Variants in ZBTB20 observed in about 807,000 individuals in gnomAD.
ZBTB20 encodes the protein zinc finger and BTB domain-containing protein 20.
ZBTB20 carries 9 observed loss-of-function variants against 56.9 expected under a neutral mutation model. That is an observed-to-expected ratio of 0.16 (90% CI 0.10 to 0.28). ZBTB20 has a LOEUF of 0.28. ZBTB20 is among the 10% of genes least tolerant of loss of function. The pLI, the probability that ZBTB20 is intolerant of heterozygous loss-of-function variation, is 1.00. For missense variants in ZBTB20, 655 were observed against 1,003.0 expected (o/e 0.65, Z 4.69); for synonymous variants, 417 against 420.7 (o/e 0.99, Z 0.11).
chr3:115,021,494 A>C (rs2080203119), intron 2 of ZBTB20, among the ~76,000 whole-genome samples: 1 of 150,950 alleles, frequency 6.6e-6, no homozygotes, highest in African/African-American at 2.4e-5. Context: ...ATACTGTTAA[A>C]TATTTATGTG....
At chr3:114,536,819 CT>C (rs1299004260) in intron 6 of ZBTB20, among the ~76,000 whole-genome samples, 1 of 151,998 alleles carries the variant, frequency 6.6e-6, no homozygotes, top group East Asian at 1.9e-4. Context: ...AGAAAGAGGC[CT>C]CCAAAATAAC....
At position 114,425,985 on chromosome 3, in the gene ZBTB20, C is replaced by T. The variant is rs554993874; in HGVS notation, c.-254-36880G>A. On this transcript the variant is annotated intron_variant, in intron 7 of 11. Transcript: ENST00000675478. ...TTATGATGATGTTAACTCAAATATA[C>T]CTTTTTAAACTAATATTCTTGGCCA... Among the ~76,000 whole-genome samples, 63 of 152,212 alleles carry T rather than the reference C, an allele frequency of 4.1e-4. No individual in the cohort carries two copies. The South Asian group carries it at 0.013, about 31-fold the overall frequency.
chr3:114,350,045 G>A (rs1165661311), intron 11 of ZBTB20, among the ~76,000 whole-genome samples: 2 of 152,018 alleles, frequency 1.3e-5, no homozygotes, highest in Non-Finnish European at 1.5e-5. Flanking sequence ...ACATCCCTAG[G>A]ACATCCCTTC....
intron 11 of ZBTB20, among the ~76,000 whole-genome samples, chr3:114,343,256 AT>A (rs2108122134): frequency 1.3e-5 from 2 of 152,252 alleles, no homozygotes; most frequent in South Asian, 4.1e-4. Flanking sequence ...AGACACCCCA[AT>A]TTTGAATAGG....
At chr3:114,416,319 C>T (rs1386285698) in intron 7 of ZBTB20, among the ~76,000 whole-genome samples, 1 of 63,630 alleles carries the variant, frequency 1.6e-5, no homozygotes, top group Non-Finnish European at 3.4e-5. Context: ...AATTCCTTAG[C>T]AATACTTAAA....
In ZBTB20 at chr3:114,334,393, T is replaced by C. The variant is rs899333433; in HGVS notation, c.*4612A>G. 1 of 152,248 alleles carries C rather than the reference T, an allele frequency of 6.6e-6. No individual in the cohort carries two copies. Among genetic ancestry groups the C allele is most frequent in the African/African-American group, 2.4e-5 (1 of 41,466 alleles). 9.4% of individuals were successfully genotyped at this position (152,248 alleles called of 1,614,324 possible). On this transcript the variant is annotated 3_prime_UTR_variant, in exon 12 of 12. Coordinates refer to ENST00000675478, the MANE Select transcript of ZBTB20 (RefSeq NM_001348800.3). ...GTTTTATAAGGGGCATATCTCATTTTTGACTTCTGTGCTGAGAGAAAATAT... is the reference window on the plus strand; with the variant it reads ...GTTTTATAAGGGGCATATCTCATTTCTGACTTCTGTGCTGAGAGAAAATAT...
At chr3:114,775,176 AC>A (rs1446865858) in intron 5 of ZBTB20, among the ~76,000 whole-genome samples, 7 of 151,954 alleles carry the variant, frequency 4.6e-5, no homozygotes, top group East Asian at 3.9e-4. Context: ...GTAAAATGCC[AC>A]TGGCTAGGCT....
chr3:114,694,985 T>C (rs1255013398), intron 5 of ZBTB20, among the ~76,000 whole-genome samples: 2 of 152,104 alleles, frequency 1.3e-5, no homozygotes, highest in African/African-American at 4.8e-5. Flanking sequence ...CTTACCTGCA[T>C]CAGCAGTCTG....
At chr3:114,432,204 G>A (rs530693663) in intron 7 of ZBTB20, among the ~76,000 whole-genome samples, 1 of 150,734 alleles carries the variant, frequency 6.6e-6, no homozygotes, top group African/African-American at 2.4e-5. Context: ...ATATAATCCT[G>A]CTTTGATATG....
intron 1 of ZBTB20, among the ~76,000 whole-genome samples, chr3:115,105,441 A>G (rs2083693250): frequency 6.6e-6 from 1 of 152,160 alleles, no homozygotes; most frequent in African/African-American, 2.4e-5. Flanking sequence ...CCTACACTAT[A>G]CTGTTTTACC....
chr3:114,774,511 T>C (rs1409374596), intron 5 of ZBTB20, among the ~76,000 whole-genome samples: 1 of 152,158 alleles, frequency 6.6e-6, no homozygotes, highest in Non-Finnish European at 1.5e-5. Context: ...GAGGTCCCTG[T>C]AAACTTATTA....
chr3:114,350,299 G>A lies in ZBTB20; in HGVS notation c.1779C>T (p.Tyr593=), dbSNP rs758842476. 25 of 1,611,592 alleles carry A rather than the reference G, an allele frequency of 1.6e-5. 1 individual carries two copies. Among genetic ancestry groups the A allele is most frequent in the South Asian group, 5.5e-5 (5 of 90,898 alleles). The change falls in exon 11 of 12, where the codon TAC becomes TAT. Residue 593 remains tyrosine (Y), a synonymous_variant. Transcript: ENST00000675478. ...CNKTFTAKQN[Y]VKHMFVHTGE... is the part of the protein sequence containing the mutation. ...CTGTGTGTACGAACATGTGCTTGAC[G>A]TAGTTCTGTTTGGCGGTGAAAGTCT...
chr3:115,133,679 T>C (rs1482869343), intron 1 of ZBTB20, among the ~76,000 whole-genome samples: 1 of 152,196 alleles, frequency 6.6e-6, no homozygotes, highest in East Asian at 1.9e-4. Flanking sequence ...TTTTCAAGGT[T>C]CATCCATGTT....
chr3:114,934,364 T>C (rs1229929042), intron 3 of ZBTB20, among the ~76,000 whole-genome samples: 2 of 152,212 alleles, frequency 1.3e-5, no homozygotes, highest in Non-Finnish European at 2.9e-5. Context: ...CACAGCACTT[T>C]GCTCTTTTCT....
chr3:114,915,812 T>A (rs533828962), intron 3 of ZBTB20, among the ~76,000 whole-genome samples: 1 of 152,202 alleles, frequency 6.6e-6, no homozygotes, highest in African/African-American at 2.4e-5. Flanking sequence ...AATTTCTTCA[T>A]TGACCAACTG....
In ZBTB20 at chr3:115,022,097, C is replaced by A. The variant is rs149211108; in HGVS notation, c.-506-47681G>T. On this transcript the variant is annotated intron_variant, in intron 2 of 11. Coordinates refer to ENST00000675478, the MANE Select transcript of ZBTB20 (RefSeq NM_001348800.3). ...CTATTCACATAATAGTTCAGACAAT[C>A]TCCATTTTTAAATTCCTAAATTTTG... 5.3e-5 allele frequency among the ~76,000 whole-genome samples: 8 copies of A among 150,612 alleles called. No individual in the cohort carries two copies. The East Asian group carries it at 1.4e-3, about 26-fold the overall frequency.
At chr3:114,443,263 T>G (rs534035648) in intron 7 of ZBTB20, among the ~76,000 whole-genome samples, 1 of 152,302 alleles carries the variant, frequency 6.6e-6, no homozygotes, top group Non-Finnish European at 1.5e-5. Flanking sequence ...ATTCGATATC[T>G]TGACCTGCTC....
intron 4 of ZBTB20, among the ~76,000 whole-genome samples, chr3:114,844,583 A>G (rs1179690881): frequency 2.8e-5 from 4 of 142,364 alleles, no homozygotes; most frequent in Non-Finnish European, 6.1e-5. Flanking sequence ...ACATGTAGGC[A>G]TGAAATGGCT....
At chr3:115,079,379 C>CTTATTTATTTATTTAT (rs150432470) in intron 1 of ZBTB20, among the ~76,000 whole-genome samples, 1 of 149,458 alleles carries the variant, frequency 6.7e-6, no homozygotes, top group African/African-American at 2.5e-5. Flanking sequence ...TCAAGTCTTT[C>CTTATTTATTTATTTAT]TTATTTATTT....
Sources: gnomAD v4.1 joint callset for allele counts (sites outside exome capture counted in the v4.1 genomes callset) on GRCh38, gnomAD v4.1.1 for gene constraint, MANE v1.5 for transcripts, NCBI Gene and HGNC (gene_info 2026-07-23, HGNC 2026-07-21) for gene names.